PTPRD: variants seen among roughly 807,000 people sequenced by gnomAD.
PTPRD encodes protein tyrosine phosphatase receptor type D, also known as receptor-type tyrosine-protein phosphatase delta.
In PTPRD, 34 loss-of-function variants were observed where a neutral mutation model predicts 214.5. The ratio of observed to expected loss-of-function variants is 0.16; its 90% CI spans 0.12 to 0.21. PTPRD has a LOEUF of 0.21. Among genes scored for constraint, PTPRD ranks in the 10% least tolerant of loss-of-function variants. PTPRD has a pLI of 1.00. For synonymous variants in PTPRD, 1,128 were observed against 845.7 expected (o/e 1.33, Z -5.79); for missense variants, 2,545 against 2,398.7 (o/e 1.06, Z -1.27).
chr9:8,414,930 G>GGGA (rs1491158344), intron 35 of PTPRD, among the ~76,000 whole-genome samples: 3 of 49,252 alleles, frequency 6.1e-5, no homozygotes, highest in African/African-American at 2.3e-4. Flanking sequence ...AGAGGGAGGG[G>GGGA]GAGAGAGAGA....
intron 2 of PTPRD, among the ~76,000 whole-genome samples, chr9:10,579,868 T>C (rs1158960858): frequency 2.0e-5 from 3 of 152,182 alleles, no homozygotes; most frequent in African/African-American, 7.2e-5. Flanking sequence ...ACATTAAGCA[T>C]TTTTTCACGT....
At chr9:9,383,542 G>A (rs1424276604) in intron 9 of PTPRD, among the ~76,000 whole-genome samples, 1 of 152,070 alleles carries the variant, frequency 6.6e-6, no homozygotes, top group East Asian at 1.9e-4. Flanking sequence ...GCCATGTTTG[G>A]AAATGTCTTA....
intron 9 of PTPRD, among the ~76,000 whole-genome samples, chr9:9,354,947 A>G (rs2053154010): frequency 6.6e-6 from 1 of 151,794 alleles, no homozygotes; most frequent in Non-Finnish European, 1.5e-5. Context: ...GGAAAATGTG[A>G]CAGTAGTGGA....
chr9:8,608,252 T>G (rs2095312147), intron 14 of PTPRD, among the ~76,000 whole-genome samples: 1 of 152,122 alleles, frequency 6.6e-6, no homozygotes, highest in African/African-American at 2.4e-5. Context: ...AAAGTAAAAT[T>G]TCATGACTTG....
At chr9:8,595,714 C>T (rs1335850091) in intron 14 of PTPRD, among the ~76,000 whole-genome samples, 1 of 152,168 alleles carries the variant, frequency 6.6e-6, no homozygotes, top group Non-Finnish European at 1.5e-5. Context: ...GAATTATTTA[C>T]TAAGTTTACT....
intron 3 of PTPRD, among the ~76,000 whole-genome samples, chr9:10,199,096 G>A (rs2099409335): frequency 6.6e-6 from 1 of 151,276 alleles, no homozygotes; most frequent in South Asian, 2.1e-4. Flanking sequence ...CTCTTTCATG[G>A]TATAGAAGAG....
At chr9:8,640,400 T>G (rs186410225) in intron 12 of PTPRD, among the ~76,000 whole-genome samples, 15 of 152,146 alleles carry the variant, frequency 9.9e-5, no homozygotes, top group African/African-American at 3.1e-4. Context: ...TGGATGCTAC[T>G]GTAGGATTTT....
chr9:10,441,391 A>G (rs1342510802), intron 2 of PTPRD, among the ~76,000 whole-genome samples: 1 of 151,646 alleles, frequency 6.6e-6, no homozygotes, highest in Non-Finnish European at 1.5e-5. Context: ...AATTTTCTCA[A>G]AAGTGCCAGG....
At chr9:8,925,189 T>G (rs1349154047) in intron 11 of PTPRD, among the ~76,000 whole-genome samples, 1 of 152,156 alleles carries the variant, frequency 6.6e-6, no homozygotes, top group African/African-American at 2.4e-5. Flanking sequence ...CCCTATGTGA[T>G]GATGCAGCCA....
At chr9:8,889,960 C>T (rs1430812080) in intron 11 of PTPRD, among the ~76,000 whole-genome samples, 2 of 152,164 alleles carry the variant, frequency 1.3e-5, no homozygotes, top group African/African-American at 4.8e-5. Context: ...ACTCCTTTTC[C>T]TCTGGGTAGA....
At chr9:9,085,330 T>C (rs2099765447) in intron 10 of PTPRD, among the ~76,000 whole-genome samples, 1 of 152,162 alleles carries the variant, frequency 6.6e-6, no homozygotes, top group Non-Finnish European at 1.5e-5. Flanking sequence ...TTTATAATAA[T>C]TACTTCCTTC....
intron 9 of PTPRD, among the ~76,000 whole-genome samples, chr9:9,351,920 T>C (rs35079412): frequency 0.043 from 6,575 of 152,092 alleles, 188 homozygotes; most frequent in Middle Eastern, 0.13. Context: ...ATGATTAGTC[T>C]GGAACACAGT....
At chr9:9,423,343 A>G (rs1260038032) in intron 8 of PTPRD, among the ~76,000 whole-genome samples, 4 of 152,190 alleles carry the variant, frequency 2.6e-5, no homozygotes, top group African/African-American at 9.6e-5. Flanking sequence ...CTACACAAGT[A>G]CAGAGCAAAA....
At chr9:8,872,787 G>A (rs563726422) in intron 11 of PTPRD, among the ~76,000 whole-genome samples, 69 of 152,298 alleles carry the variant, frequency 4.5e-4, no homozygotes, top group Non-Finnish European at 1.2e-4. Context: ...TTCAGTACAG[G>A]AGGCGGCATT....
intron 3 of PTPRD, among the ~76,000 whole-genome samples, chr9:10,185,367 T>C (rs2099325331): frequency 6.6e-6 from 1 of 152,196 alleles, no homozygotes; most frequent in South Asian, 2.1e-4. Flanking sequence ...TAAACTTCCA[T>C]TACAATGAGA....
chr9:9,633,054 G>A (rs563592760), intron 7 of PTPRD, among the ~76,000 whole-genome samples: 4 of 152,260 alleles, frequency 2.6e-5, no homozygotes, highest in East Asian at 1.9e-4. Context: ...CAGCACTTTG[G>A]GAGGTGGAGG....
chr9:9,746,970 T>C (rs1368543583), intron 6 of PTPRD, among the ~76,000 whole-genome samples: 2 of 152,152 alleles, frequency 1.3e-5, no homozygotes, highest in Admixed American at 6.5e-5. Context: ...AGTAGCCCTG[T>C]AGGTGTTAGG....
intron 2 of PTPRD, among the ~76,000 whole-genome samples, chr9:10,411,547 T>C (rs2098436265): frequency 6.6e-6 from 1 of 151,806 alleles, no homozygotes; most frequent in African/African-American, 2.4e-5. Flanking sequence ...ACTTGGCAGA[T>C]TCACCATCAT....
chr9:10,024,440 T>C (rs1477903925), intron 4 of PTPRD, among the ~76,000 whole-genome samples: 6 of 152,134 alleles, frequency 3.9e-5, no homozygotes, highest in African/African-American at 1.2e-4. Context: ...TCAACACTTT[T>C]ATAGTAATTG....
Sources: allele counts gnomAD v4.1 joint callset (sites outside exome capture counted in the v4.1 genomes callset), GRCh38; gene constraint gnomAD v4.1.1; transcripts MANE v1.5; gene names NCBI Gene and HGNC (gene_info 2026-07-23, HGNC 2026-07-21).